The following SURF1 variants were observed in gnomAD, a reference collection of about 807,000 sequenced individuals.
SURF1 encodes SURF1 cytochrome c oxidase assembly factor.
A neutral mutation model predicts 34.1 loss-of-function variants in SURF1; 45 were observed. The observed-to-expected ratio is 1.32, with a 90% CI of 1.04 to 1.69. The LOEUF is 1.69. Ranked by LOEUF, SURF1 falls within the 40% of genes most tolerant of loss-of-function variation. SURF1 has a pLI of 0.00. For synonymous variants in SURF1, 188 were observed against 147.5 expected (o/e 1.27, Z -1.99); for missense variants, 456 against 384.6 (o/e 1.19, Z -1.55).
rs2130014877 is a variant in SURF1 at position 133,353,834 on chromosome 9, G to A, written c.430C>T (p.Arg144Trp). The A allele has an allele frequency of 1.7e-5, 27 of 1,613,700 alleles. No homozygotes were observed. In the South Asian group the frequency reaches 1.8e-4, roughly 10 times the overall value. Residue 144 changes from arginine to tryptophan, a missense_variant, in exon 5 of 9, where the codon CGG (arginine) becomes TGG (tryptophan). Physicochemically the swap from Arg to Trp is moderately radical, Grantham distance 101. Coordinates refer to ENST00000371974, the MANE Select transcript of SURF1 (RefSeq NM_003172.4). ...MMPRTMVDPV[R>W]EAREGGLISS... Reference sequence around the variant, plus strand: ...ATGAGGCCGCCCTCCCGGGCCTCCCGGACAGGGTCCACCATGGTCCGGGGC... The same window carrying A: ...ATGAGGCCGCCCTCCCGGGCCTCCCAGACAGGGTCCACCATGGTCCGGGGC...
intron 2 of SURF1, 149 bp from the exon 3 acceptor site, chr9:133,355,106 C>T: frequency 9.5e-7 from 1 of 1,048,486 alleles, no homozygotes; most frequent in South Asian, 1.3e-5. Context: ...AGCTCCTAAC[C>T]CGGTGCCCAG....
intron 6 of SURF1, 27 bp downstream of exon 6, chr9:133,352,667 A>G (rs2130009089): frequency 3.7e-6 from 6 of 1,613,804 alleles, no homozygotes; most frequent in Middle Eastern, 1.7e-4. Context: ...AGCCTTCTCT[A>G]AAGTAGGAAG....
chr9:133,352,080 G>T lies in SURF1; in HGVS notation c.814C>A (p.Leu272Met). The change falls in exon 8 of 9, where the codon CTG becomes ATG. Residue 272 changes from leucine (L) to methionine (M), a missense_variant. Leu to Met is a conservative substitution (Grantham distance 15). Coordinates refer to ENST00000371974, the MANE Select transcript of SURF1 (RefSeq NM_003172.4). ...QTRVTLRNEHLQYIVTWYGLS... is the reference protein window; with the variant it reads ...QTRVTLRNEHMQYIVTWYGLS... ...ACTCACCAGGTCACGATGTACTGCA[G>T]ATGCTCGTTCCTCAGAGTAACTCTG... is the stretch of plus-strand genomic sequence containing the variant. 1.2e-6 allele frequency: 2 copies of T among 1,611,474 alleles called. No homozygotes were observed. Among genetic ancestry groups the T allele is most frequent in the Non-Finnish European group, 1.7e-6 (2 of 1,178,778 alleles).
intron 5 of SURF1, 148 bp downstream of exon 5, chr9:133,353,601 T>TTAA (rs2130013664): frequency 2.2e-5 from 20 of 915,432 alleles, no homozygotes; most frequent in Non-Finnish European, 3.5e-5. Flanking sequence ...AATTAGGGAC[T>TTAA]TAAACTATGC....
At chr9:133,352,345 T>G in intron 7 of SURF1, 101 bp downstream of exon 7, 67 of 1,584,854 alleles carry the variant, frequency 4.2e-5, no homozygotes, top group Non-Finnish European at 5.4e-5. Flanking sequence ...TATACACATG[T>G]GAGAACATAA....
At chr9:133,355,801 C>A (rs1159077636) in intron 2 of SURF1, among the ~76,000 whole-genome samples, 2 of 151,914 alleles carry the variant, frequency 1.3e-5, no homozygotes, top group African/African-American at 2.4e-5. Context: ...GCACCAGGGG[C>A]CTTGCGGATA....
At chr9:133,356,169 T>C in intron 2 of SURF1, 100 bp downstream of exon 2, 4 of 1,445,110 alleles carry the variant, frequency 2.8e-6, no homozygotes, top group Non-Finnish European at 3.8e-6. Context: ...AGCCGGCAGT[T>C]GGTTCATTTC....
At chr9:133,353,608 A>G in intron 5 of SURF1, 141 bp downstream of exon 5, 1 of 942,872 alleles carries the variant, frequency 1.1e-6, no homozygotes, top group Non-Finnish European at 1.7e-6. Flanking sequence ...GACTTAAACT[A>G]TGCAAGGAAT....
At chr9:133,356,359 TCCCCGCGCCCCGCA>T in intron 1 of SURF1, 27 bp downstream of exon 1, 1 of 898,928 alleles carries the variant, frequency 1.1e-6, no homozygotes, top group Non-Finnish European at 1.5e-6. Flanking sequence ...CCGGGACCCC[TCCCCGCGCCCCGCA>T]CCCCGCACCC....
intron 6 of SURF1, 34 bp downstream of exon 6, chr9:133,352,660 C>G: frequency 6.2e-7 from 1 of 1,613,810 alleles, no homozygotes; most frequent in African/African-American, 1.3e-5. Flanking sequence ...CTCCCAGAGC[C>G]TTCTCTAAAG....
intron 7 of SURF1, 30 bp from the exon 8 acceptor site, chr9:133,352,172 C>T (rs2130005360): frequency 3.8e-6 from 6 of 1,565,270 alleles, no homozygotes; most frequent in Non-Finnish European, 5.2e-6. Flanking sequence ...AAGTCCACCC[C>T]CTACTGGCCT....
rs2130025047 is a variant in SURF1, at chr9:133,356,294, G to A, written c.81C>T (p.Ser27=). ...GRAPASAAWR[S]VLRVSPRPGV... ...CTGGGCGCGGGGAGACCCTGAGGAC[G>A]CTCCTCCAGGCGGCGCTGGCCGGGG... is the stretch of plus-strand genomic sequence containing the variant. The change falls in exon 2 of 9, where the codon AGC becomes AGT. Residue 27 remains serine, a synonymous_variant. Transcript: ENST00000371974. The A allele has an allele frequency of 6.5e-7, 1 of 1,528,390 alleles. No homozygotes were observed. The highest frequency in any genetic ancestry group is 8.7e-7 in the Non-Finnish European group (1 of 1,144,328). The allele number at this position is 1,528,390 out of a possible 1,614,324, so 94.7% of individuals were successfully genotyped here.
chr9:133,352,504 G>C lies in SURF1; in HGVS notation c.693C>G (p.Asp231Glu), dbSNP rs2130007453. ...CTGTGATTCTGGCCATAGCTTCCAG[G>C]TCTCGATAATGCCAGTGGTTCCTTT... ...NPERNHWHYR[D>E]LEAMARITGA... Residue 231 changes from aspartate to glutamate, a missense_variant, in exon 7 of 9, where the codon GAC becomes GAG. By Grantham distance (45) the Asp-to-Glu change is conservative. Coordinates refer to ENST00000371974, the MANE Select transcript of SURF1 (RefSeq NM_003172.4). 9 of 1,614,224 alleles carry C rather than the reference G, an allele frequency of 5.6e-6. No homozygotes were observed. In the South Asian group the frequency reaches 7.7e-5, roughly 14 times the overall value.
Position 133,356,418 on chromosome 9 carries a change from C to CCGCAGCCCCAGCTGCAA in SURF1, c.19_35dup (p.Ala13CysfsTer65). On this transcript the variant is annotated frameshift_variant, in exon 1 of 9. Transcript: ENST00000371974. LOFTEE classifies it high-confidence loss of function. The stretch of plus-strand genomic sequence containing the variant: ...CGCTCACCCGTCCCAGCCCCGCCGC[C>CCGCAGCCCCAGCTGCAA]CGCAGCCCCAGCTGCAACGCAGCCA... The CCGCAGCCCCAGCTGCAA allele has an allele frequency of 7.2e-7, 1 of 1,390,238 alleles. No individual in the cohort carries two copies. The highest frequency in any genetic ancestry group is 9.3e-7 in the Non-Finnish European group (1 of 1,073,670). The allele number at this position is 1,390,238 out of a possible 1,614,324, so 86.1% of individuals were successfully genotyped here.
At position 133,353,759 on chromosome 9, in the gene SURF1, T is replaced by C; in HGVS notation, c.505A>G (p.Thr169Ala). 1 of 1,613,810 alleles carries C rather than the reference T, an allele frequency of 6.2e-7. No individual in the cohort carries two copies. Among genetic ancestry groups the C allele is most frequent in the South Asian group, 1.1e-5 (1 of 91,086 alleles). Residue 169 changes from threonine to alanine, a missense_variant, in exon 5 of 9, where the codon ACC becomes GCC. Transcript: ENST00000371974. ...ACATGTCCTACTCACCCCAGGTCGG[T>C]GCAGTGGAAGGGAGTGACCACATAG... ...GAYVVTPFHC[T>A]DLGVTILVNR...
chr9:133,355,316 C>T (rs1190616348), intron 2 of SURF1, among the ~76,000 whole-genome samples: 1 of 152,210 alleles, frequency 6.6e-6, no homozygotes, highest in Non-Finnish European at 1.5e-5. Context: ...CACGGTGGCT[C>T]ACGCCTGTAA....
Position 133,356,271 on chromosome 9 carries a change from G to T in SURF1, c.104C>A (p.Pro35Gln). 1 of 1,532,924 alleles carries T rather than the reference G, an allele frequency of 6.5e-7. No individual in the cohort carries two copies. The highest frequency in any genetic ancestry group is 2.5e-5 in the East Asian group (1 of 40,750). 95.0% of individuals were successfully genotyped at this position (1,532,924 alleles called of 1,614,324 possible). The change falls in exon 2 of 9, where the codon CCA becomes CAA. Residue 35 changes from proline (P) to glutamine (Q), a missense_variant and splice_region_variant. Transcript: ENST00000371974. ...ACAGCCCGGCCTGCAGCCCTCACCT[G>T]GGCGCGGGGAGACCCTGAGGACGCT... is the stretch of plus-strand genomic sequence containing the variant. ...WRSVLRVSPR[P>Q]GVAWRPSRCG...
Position 133,352,088 on chromosome 9 carries a change from T to A in SURF1, c.806A>T (p.Asn269Ile), listed in dbSNP as rs2130004420. ...IGGQTRVTLR[N>I]EHLQYIVTWY... The stretch of plus-strand genomic sequence containing the variant: ...GGTCACGATGTACTGCAGATGCTCG[T>A]TCCTCAGAGTAACTCTGGTTTGCCC... Residue 269 changes from asparagine (N) to isoleucine (I), a missense_variant, in exon 8 of 9, where the codon AAC (asparagine) becomes ATC (isoleucine). Transcript: ENST00000371974. The A allele has an allele frequency of 3.1e-6, 5 of 1,610,752 alleles. No homozygotes were observed. Among genetic ancestry groups the A allele is most frequent in the Non-Finnish European group, 4.2e-6 (5 of 1,178,532 alleles).
chr9:133,355,943 T>C (rs2130023581), intron 2 of SURF1, among the ~76,000 whole-genome samples: 2 of 152,250 alleles, frequency 1.3e-5, no homozygotes, highest in South Asian at 4.1e-4. Flanking sequence ...TACGCTTTAC[T>C]TTCAGAGCCC....
Sources: gnomAD v4.1 joint callset for allele counts (sites outside exome capture counted in the v4.1 genomes callset) on GRCh38, gnomAD v4.1.1 for gene constraint, MANE v1.5 for transcripts, NCBI Gene and HGNC (gene_info 2026-07-23, HGNC 2026-07-21) for gene names.